Variants in TMEM74 observed in about 807,000 individuals in gnomAD.
TMEM74 encodes the protein transmembrane protein 74.
TMEM74 carries 13 observed loss-of-function variants against 18.1 expected under a neutral mutation model. That is an observed-to-expected ratio of 0.72 (90% CI 0.47 to 1.14). The LOEUF is 1.14. Among genes scored for constraint, TMEM74 ranks in the 50% most tolerant of loss-of-function variants. TMEM74 has a pLI of 0.00. For synonymous variants in TMEM74, 159 were observed against 146.6 expected (o/e 1.08, Z -0.61); for missense variants, 372 against 375.9 (o/e 0.99, Z 0.09).
At chr8:108,636,510 G>A (rs1812607702) in intron 2 of TMEM74, among the ~76,000 whole-genome samples, 1 of 152,076 alleles carries the variant, frequency 6.6e-6, no homozygotes, top group Non-Finnish European at 1.5e-5. Context: ...TTTGGAATCA[G>A]CTTTAATTCA....
At chr8:108,676,049 A>G (rs1240530776) in intron 1 of TMEM74, among the ~76,000 whole-genome samples, 1 of 152,224 alleles carries the variant, frequency 6.6e-6, no homozygotes, top group Non-Finnish European at 1.5e-5. Context: ...ACACTCTTGT[A>G]AAAGGTGGAG....
chr8:108,641,971 C>T (rs1023889966), intron 2 of TMEM74, among the ~76,000 whole-genome samples: 2 of 152,008 alleles, frequency 1.3e-5, no homozygotes, highest in African/African-American at 2.4e-5. Context: ...ATTTGACACG[C>T]CTGGCACAGT....
intron 1 of TMEM74, among the ~76,000 whole-genome samples, chr8:108,675,454 A>G (rs1036665495): frequency 2.1e-4 from 32 of 152,186 alleles, no homozygotes; most frequent in African/African-American, 7.5e-4. Flanking sequence ...GCAAAATGTA[A>G]CAGGAAACCC....
intron 1 of TMEM74, among the ~76,000 whole-genome samples, chr8:108,673,963 A>C (rs1444176787): frequency 1.3e-5 from 2 of 152,148 alleles, no homozygotes; most frequent in Non-Finnish European, 2.9e-5. Context: ...CATTTTAAAA[A>C]TTTCCTATTA....
At chr8:108,694,911 A>G (rs946113327) in intron 1 of TMEM74, among the ~76,000 whole-genome samples, 14 of 152,300 alleles carry the variant, frequency 9.2e-5, no homozygotes, top group African/African-American at 3.4e-4. Context: ...TTTGAGCTGG[A>G]GCCCTCAAAA....
At chr8:108,683,310 CAG>C (rs1813134080) in intron 1 of TMEM74, among the ~76,000 whole-genome samples, 1 of 151,336 alleles carries the variant, frequency 6.6e-6, no homozygotes, top group Admixed American at 6.6e-5. Context: ...TGTTAAAAAA[CAG>C]AAAATAAAAG....
chr8:108,615,724 T>A (rs1314226312), intron 2 of TMEM74, among the ~76,000 whole-genome samples: 1 of 150,442 alleles, frequency 6.6e-6, no homozygotes, highest in African/African-American at 2.4e-5. Context: ...CCTCAGCATG[T>A]CCCGTGGGGA....
rs1396622847 is a variant in TMEM74, at chr8:108,702,312, T to A, written n.120-46875A>T. Among the ~76,000 whole-genome samples, 4 of 136,186 alleles carry A rather than the reference T, an allele frequency of 2.9e-5. No homozygotes were observed. The East Asian group carries it at 8.7e-4, about 30-fold the overall frequency. 89.3% of individuals were successfully genotyped at this position (136,186 alleles called of 152,430 possible). ...GTGAGCCGAGATTGAGCCACTGCAC[T>A]CCAGCCCTGGCGACGGTGTGAGACT... On this transcript the variant is annotated intron_variant and non_coding_transcript_variant, in intron 1 of 3. Coordinates refer to the TMEM74 transcript ENST00000518838.
In TMEM74 at chr8:108,783,744, T is replaced by C. The variant is rs1213115123; in HGVS notation, c.*437A>G. 1 of 152,466 alleles carries C rather than the reference T, an allele frequency of 6.6e-6. No homozygotes were observed. The highest frequency in any genetic ancestry group is 1.5e-5 in the Non-Finnish European group (1 of 68,246). The allele number at this position is 152,466 out of a possible 1,614,324, so 9.4% of individuals were successfully genotyped here. ...TTAGCAAGAAAATGGATAAGCACCT[T>C]TGAGAATTAGATGTAAGCCTTATTA... On this transcript the variant is annotated 3_prime_UTR_variant, in exon 2 of 2. Transcript: ENST00000297459.
At chr8:108,704,407 C>A (rs867235517) in intron 1 of TMEM74, among the ~76,000 whole-genome samples, 1 of 152,194 alleles carries the variant, frequency 6.6e-6, no homozygotes, top group Admixed American at 6.5e-5. Flanking sequence ...AGGTTAAGAG[C>A]GGTCTCAAGC....
intron 2 of TMEM74, among the ~76,000 whole-genome samples, chr8:108,636,097 A>T (rs1057225426): frequency 6.6e-6 from 1 of 151,974 alleles, no homozygotes; most frequent in Non-Finnish European, 1.5e-5. Flanking sequence ...GCTCCTCCCC[A>T]CTCTGTAGAG....
intron 1 of TMEM74, among the ~76,000 whole-genome samples, chr8:108,736,553 C>T (rs886125431): frequency 6.6e-6 from 1 of 151,994 alleles, no homozygotes; most frequent in African/African-American, 2.4e-5. Flanking sequence ...AATATGCACA[C>T]ATACACATGT....
At chr8:108,676,579 A>G (rs188583608) in intron 1 of TMEM74, among the ~76,000 whole-genome samples, 4 of 152,134 alleles carry the variant, frequency 2.6e-5, no homozygotes, top group Non-Finnish European at 4.4e-5. Flanking sequence ...CAATCCTTCC[A>G]TTGACCACCC....
chr8:108,653,119 A>G (rs1308536259), intron 2 of TMEM74: 1 of 174,626 alleles, frequency 5.7e-6, no homozygotes, highest in African/African-American at 2.4e-5. Flanking sequence ...GCCCAGGAAT[A>G]CTCTTTCAGG....
At chr8:108,757,901 G>C (rs563301761) in intron 1 of TMEM74, among the ~76,000 whole-genome samples, 1 of 152,046 alleles carries the variant, frequency 6.6e-6, no homozygotes, top group East Asian at 1.9e-4. Flanking sequence ...CCTGAAGTCT[G>C]CATCTTTCAC....
At chr8:108,688,350 A>T (rs186438112) in intron 1 of TMEM74, among the ~76,000 whole-genome samples, 2 of 152,330 alleles carry the variant, frequency 1.3e-5, no homozygotes, top group African/African-American at 2.4e-5. Flanking sequence ...AGCGTGTGAG[A>T]TCACAACTCA....
chr8:108,634,608 A>G (rs1332384640), intron 2 of TMEM74, among the ~76,000 whole-genome samples: 1 of 151,498 alleles, frequency 6.6e-6, no homozygotes, highest in African/African-American at 2.4e-5. Flanking sequence ...TCCCTCCTTT[A>G]CTCTGGCAAT....
At chr8:108,682,916 G>T (rs907864039) in intron 1 of TMEM74, among the ~76,000 whole-genome samples, 1 of 151,818 alleles carries the variant, frequency 6.6e-6, no homozygotes, top group Non-Finnish European at 1.5e-5. Context: ...AAAATGAGAA[G>T]TTAGCCTTTG....
At chr8:108,610,770 G>C (rs1812326513) in intron 2 of TMEM74, among the ~76,000 whole-genome samples, 1 of 152,196 alleles carries the variant, frequency 6.6e-6, no homozygotes, top group African/African-American at 2.4e-5. Context: ...CTAAACAGGA[G>C]GGGGCTTAAA....
Sources: gnomAD v4.1 joint callset for allele counts (sites outside exome capture counted in the v4.1 genomes callset) on GRCh38, gnomAD v4.1.1 for gene constraint, MANE v1.5 for transcripts, NCBI Gene and HGNC (gene_info 2026-07-23, HGNC 2026-07-21) for gene names.